Variants in RBFOX1 observed in about 807,000 individuals in gnomAD.
RBFOX1 encodes the protein RNA binding fox-1 homolog 1, also known as RNA binding protein fox-1 homolog 1.
Under a neutral mutation model 57.7 loss-of-function variants are expected in RBFOX1, and 8 were observed. The ratio of observed to expected loss-of-function variants is 0.14; its 90% CI spans 0.08 to 0.25. The LOEUF (loss-of-function observed/expected upper bound fraction) is 0.25, where lower values mean the gene tolerates loss of function less well. Ranked by LOEUF, RBFOX1 falls within the 10% of genes least tolerant of loss-of-function variation. The pLI, the probability that RBFOX1 is intolerant of heterozygous loss-of-function variation, is 1.00. For missense variants in RBFOX1, 611 were observed against 548.5 expected, an observed-to-expected ratio of 1.11 and a Z score of -1.14; for synonymous variants, 326 against 222.4, an observed-to-expected ratio of 1.47 and a Z score of -4.15.
chr16:6,764,276 C>G (rs1409906346), intron 3 of RBFOX1, among the ~76,000 whole-genome samples: 2 of 152,196 alleles, frequency 1.3e-5, no homozygotes, highest in Admixed American at 6.5e-5. Context: ...GTTCACCTCA[C>G]TTTGCTCAAT....
At chr16:6,069,143 A>T (rs2095803481) in intron 1 of RBFOX1, among the ~76,000 whole-genome samples, 1 of 152,158 alleles carries the variant, frequency 6.6e-6, no homozygotes, top group South Asian at 2.1e-4. Context: ...TGACGCATGT[A>T]ATCCCAGCAC....
intron 3 of RBFOX1, among the ~76,000 whole-genome samples, chr16:6,930,946 T>C (rs1349787636): frequency 6.6e-6 from 1 of 152,040 alleles, no homozygotes; most frequent in African/African-American, 2.4e-5. Flanking sequence ...TATATATATA[T>C]ATAGTATCCC....
intron 1 of RBFOX1, among the ~76,000 whole-genome samples, chr16:6,235,181 A>T (rs1224346172): frequency 6.6e-6 from 1 of 152,042 alleles, no homozygotes; most frequent in African/African-American, 2.4e-5. Context: ...GCATTCTAAG[A>T]GTGCAGGGCT....
chr16:6,724,420 C>G (rs574839522), intron 3 of RBFOX1, among the ~76,000 whole-genome samples: 7 of 152,072 alleles, frequency 4.6e-5, no homozygotes, highest in Non-Finnish European at 8.8e-5. Flanking sequence ...TGTTGCCAGG[C>G]TGGTCTCGAA....
intron 1 of RBFOX1, among the ~76,000 whole-genome samples, chr16:5,346,937 G>C (rs2065153657): frequency 6.6e-6 from 1 of 152,128 alleles, no homozygotes; most frequent in African/African-American, 2.4e-5. Context: ...TGTGGTAAGT[G>C]CCCTGTAATT....
chr16:6,910,686 C>T (rs537093111), intron 3 of RBFOX1, among the ~76,000 whole-genome samples: 1 of 152,150 alleles, frequency 6.6e-6, no homozygotes, highest in African/African-American at 2.4e-5. Flanking sequence ...CCCTTCTCAG[C>T]TTCAAAGCCA....
intron 4 of RBFOX1, among the ~76,000 whole-genome samples, chr16:7,306,714 A>T (rs2096197322): frequency 6.6e-6 from 1 of 152,148 alleles, no homozygotes; most frequent in Non-Finnish European, 1.5e-5. Flanking sequence ...GCTCACCGCT[A>T]GGGTGTAAGT....
intron 2 of RBFOX1, among the ~76,000 whole-genome samples, chr16:6,440,182 G>A (rs573642657): frequency 7.9e-5 from 12 of 151,958 alleles, no homozygotes; most frequent in East Asian, 7.9e-4. Flanking sequence ...TGATTCGTCC[G>A]CCTCAGCCTC....
At chr16:5,757,092 A>T (rs1296211828) in intron 3 of RBFOX1, among the ~76,000 whole-genome samples, 1 of 152,218 alleles carries the variant, frequency 6.6e-6, no homozygotes, top group Non-Finnish European at 1.5e-5. Context: ...GAGACCTAAA[A>T]TTAAGAACCA....
intron 4 of RBFOX1, among the ~76,000 whole-genome samples, chr16:7,160,306 C>A (rs1299655079): frequency 6.6e-6 from 1 of 151,798 alleles, no homozygotes; most frequent in East Asian, 1.9e-4. Context: ...TTGCATTAGT[C>A]TTCTGGACTT....
chr16:7,111,212 A>C (rs999322568), intron 4 of RBFOX1, among the ~76,000 whole-genome samples: 4 of 152,216 alleles, frequency 2.6e-5, no homozygotes, highest in African/African-American at 9.6e-5. Flanking sequence ...CAGTGTGATC[A>C]GATGGGCCTT....
Position 7,518,393 on chromosome 16 carries a change from A to G in RBFOX1, c.270+4A>G, listed in dbSNP as rs770313240. Reference sequence around the variant, plus strand: ...GACCGTCTCTGGCACCGCCACAGTAAGTGGACGTGTTTGCTACGGGTGGGA... The same window carrying G: ...GACCGTCTCTGGCACCGCCACAGTAGGTGGACGTGTTTGCTACGGGTGGGA... On this transcript the variant is annotated splice_donor_region_variant and intron_variant, in intron 5 of 15. Coordinates refer to ENST00000550418, the MANE Select transcript of RBFOX1 (RefSeq NM_018723.4). 6.2e-7 allele frequency: 1 copy of G among 1,605,656 alleles called. No homozygotes were observed. The highest frequency in any genetic ancestry group is 8.5e-7 in the Non-Finnish European group (1 of 1,174,184).
chr16:6,689,133 A>C (rs931980394), intron 3 of RBFOX1, among the ~76,000 whole-genome samples: 1 of 152,228 alleles, frequency 6.6e-6, no homozygotes. Context: ...AATGATTTAT[A>C]ATCCTATGGG....
rs149785261 is a variant in RBFOX1 at position 5,599,300 on chromosome 16, T to C, written c.*51T>C. 15 of 626,388 alleles carry C rather than the reference T, an allele frequency of 2.4e-5. No individual in the cohort carries two copies. In the East Asian group the frequency reaches 3.8e-4, roughly 16 times the overall value. 38.8% of individuals were successfully genotyped at this position (626,388 alleles called of 1,614,324 possible). A position where few individuals can be genotyped will look rare whatever the true frequency, so the allele number is the denominator to read the frequency against. ...GCCCTGGTGTGACGGCCCCAGGTTG[T>C]GGGAGCACGTGAAAGAAGTCGAATG... On this transcript the variant is annotated 3_prime_UTR_variant, in exon 3 of 3. Transcript: ENST00000585867.
At chr16:5,708,571 C>G (rs901087589) in intron 3 of RBFOX1, among the ~76,000 whole-genome samples, 1 of 152,198 alleles carries the variant, frequency 6.6e-6, no homozygotes, top group South Asian at 2.1e-4. Context: ...CTTTAAGCAG[C>G]TGACCCCCAC....
intron 2 of RBFOX1, among the ~76,000 whole-genome samples, chr16:6,522,666 G>T (rs114719803): frequency 0.013 from 1,939 of 152,202 alleles, 45 homozygotes; most frequent in African/African-American, 0.044. Flanking sequence ...CTAATAACCA[G>T]GTTAATCTTT....
At chr16:6,843,221 CTCTT>C (rs778995920) in intron 3 of RBFOX1, among the ~76,000 whole-genome samples, 4 of 152,068 alleles carry the variant, frequency 2.6e-5, no homozygotes, top group African/African-American at 7.2e-5. Flanking sequence ...GGGTGAAAAT[CTCTT>C]TATTTCTGTG....
At chr16:6,943,603 G>T (rs370447476) in intron 3 of RBFOX1, among the ~76,000 whole-genome samples, 18 of 152,136 alleles carry the variant, frequency 1.2e-4, no homozygotes, top group African/African-American at 4.3e-4. Context: ...AGCTACTTGG[G>T]AGGCTGAGGC....
chr16:7,698,379 A>T (rs1249285591), intron 14 of RBFOX1, among the ~76,000 whole-genome samples: 1 of 152,004 alleles, frequency 6.6e-6, no homozygotes, highest in Non-Finnish European at 1.5e-5. Flanking sequence ...TAGGGTCTGC[A>T]AGAAAGCCTT....
Sources: gnomAD v4.1 joint callset for allele counts (sites outside exome capture counted in the v4.1 genomes callset) on GRCh38, gnomAD v4.1.1 for gene constraint, MANE v1.5 for transcripts, NCBI Gene and HGNC (gene_info 2026-07-23, HGNC 2026-07-21) for gene names.